VEGFC: variants seen among roughly 807,000 people sequenced by gnomAD.
The protein encoded by VEGFC is FLT4 ligand DHM.
Under a neutral mutation model 46.1 loss-of-function variants are expected in VEGFC, and 12 were observed. The observed-to-expected ratio is 0.26, with a 90% CI of 0.17 to 0.42. The LOEUF is 0.42. Ranked by LOEUF, VEGFC falls within the 10% of genes least tolerant of loss-of-function variation. The pLI, the probability that VEGFC is intolerant of heterozygous loss-of-function variation, is 1.00. For synonymous variants in VEGFC, 232 were observed against 195.5 expected, an observed-to-expected ratio of 1.19 and a Z score of -1.56; for missense variants, 488 against 529.4, an observed-to-expected ratio of 0.92 and a Z score of 0.77.
intron 4 of VEGFC, among the ~76,000 whole-genome samples, chr4:176,692,137 G>A (rs1157731172): frequency 6.6e-6 from 1 of 151,958 alleles, no homozygotes; most frequent in Non-Finnish European, 1.5e-5. Context: ...GCTCACGCCT[G>A]TAATCCCAGC....
chr4:176,705,064 T>C (rs1408017838), intron 4 of VEGFC, among the ~76,000 whole-genome samples: 4 of 152,220 alleles, frequency 2.6e-5, no homozygotes, highest in Non-Finnish European at 4.4e-5. Context: ...ACACTTACTA[T>C]ACTAGAAATA....
At chr4:176,699,460 T>G (rs1430856790) in intron 4 of VEGFC, among the ~76,000 whole-genome samples, 1 of 152,252 alleles carries the variant, frequency 6.6e-6, no homozygotes, top group Non-Finnish European at 1.5e-5. Flanking sequence ...TATCTGAAGT[T>G]CAAACTTGTA....
At chr4:176,779,955 T>C (rs1315549187) in intron 1 of VEGFC, among the ~76,000 whole-genome samples, 3 of 152,238 alleles carry the variant, frequency 2.0e-5, no homozygotes, top group South Asian at 2.1e-4. Context: ...TTAAAGCCCA[T>C]GTTTAAGACA....
chr4:176,767,918 T>C (rs1047347413), intron 1 of VEGFC, among the ~76,000 whole-genome samples: 2 of 152,128 alleles, frequency 1.3e-5, no homozygotes, highest in African/African-American at 4.8e-5. Context: ...GTCAGAGATG[T>C]AGCAAGTGGT....
In VEGFC at chr4:176,792,184, G is replaced by T. The variant is rs1352985585; in HGVS notation, c.128C>A (p.Pro43His). ...ACCTACCGTGGCCTCGCCCGCGTCGGGCTCCGCGTCCGAGAGGTCGAGTCC... is the reference window on the plus strand; with the variant it reads ...ACCTACCGTGGCCTCGCCCGCGTCGTGCTCCGCGTCCGAGAGGTCGAGTCC... ...ESGLDLSDAE[P>H]DAGEATAYAS... Residue 43 changes from proline to histidine, a missense_variant, in exon 1 of 7, where the codon CCC becomes CAC. Coordinates refer to ENST00000618562, the MANE Select transcript of VEGFC (RefSeq NM_005429.5). This position sits in a 1 kb window ranked among gnomAD's most constrained non-coding sequence, Gnocchi z 6.3. 1.3e-6 allele frequency: 2 copies of T among 1,524,176 alleles called. No homozygotes were observed. Among genetic ancestry groups the T allele is most frequent in the Non-Finnish European group, 1.8e-6 (2 of 1,140,162 alleles). The allele number at this position is 1,524,176 out of a possible 1,614,324, so 94.4% of individuals were successfully genotyped here. A position where few individuals can be genotyped will look rare whatever the true frequency, so the allele number is the denominator to read the frequency against.
At chr4:176,711,989 T>G (rs1410626594) in intron 3 of VEGFC, among the ~76,000 whole-genome samples, 1 of 152,130 alleles carries the variant, frequency 6.6e-6, no homozygotes, top group Admixed American at 6.6e-5. Flanking sequence ...TTATTTGAAA[T>G]GAACATTTAA....
chr4:176,698,350 G>A (rs1425015231), intron 4 of VEGFC, among the ~76,000 whole-genome samples: 2 of 151,822 alleles, frequency 1.3e-5, no homozygotes, highest in East Asian at 1.9e-4. Flanking sequence ...AGTCAGAACT[G>A]GGCTGAAATG....
At chr4:176,725,833 T>C (rs1256414131) in intron 3 of VEGFC, among the ~76,000 whole-genome samples, 1 of 152,094 alleles carries the variant, frequency 6.6e-6, no homozygotes, top group Non-Finnish European at 1.5e-5. Context: ...GGCTTGAAGA[T>C]AAAAACAACA....
intron 1 of VEGFC, among the ~76,000 whole-genome samples, chr4:176,769,991 CAAAA>C (rs1028696776): frequency 6.6e-6 from 1 of 151,760 alleles, no homozygotes; most frequent in Non-Finnish European, 1.5e-5. Flanking sequence ...TAACCCATGC[CAAAA>C]AAATAAGTCA....
At chr4:176,693,448 G>A (rs1734248070) in intron 4 of VEGFC, among the ~76,000 whole-genome samples, 1 of 139,534 alleles carries the variant, frequency 7.2e-6, no homozygotes, top group East Asian at 2.0e-4. Context: ...AAAGAAATGA[G>A]CAAAGCCTCC....
At chr4:176,772,920 A>T (rs1224407754) in intron 1 of VEGFC, among the ~76,000 whole-genome samples, 2 of 152,232 alleles carry the variant, frequency 1.3e-5, no homozygotes, top group African/African-American at 4.8e-5. Context: ...TGTGATTTAC[A>T]GCAACATAAA....
Position 176,735,840 on chromosome 4 carries a change from T to A in VEGFC, c.148-6094A>T, listed in dbSNP as rs143385106. Among the ~76,000 whole-genome samples, 3 of 152,076 alleles carry A rather than the reference T, an allele frequency of 2.0e-5. No homozygotes were observed. The East Asian group carries it at 5.8e-4, about 29-fold the overall frequency. ...TTTCAAAATCATCATTTGAGAGGAC[T>A]GTGAAATTGTTTCAGTGAATTATAT... On this transcript the variant is annotated intron_variant, in intron 1 of 6. Transcript: ENST00000618562.
intron 4 of VEGFC, among the ~76,000 whole-genome samples, chr4:176,705,082 T>C (rs1734506149): frequency 6.6e-6 from 1 of 152,234 alleles, no homozygotes; most frequent in South Asian, 2.1e-4. Context: ...ATATTGTTTG[T>C]TTGTACTCTA....
intron 4 of VEGFC, among the ~76,000 whole-genome samples, chr4:176,690,910 G>A (rs766208271): frequency 2.6e-5 from 4 of 152,130 alleles, no homozygotes; most frequent in Non-Finnish European, 4.4e-5. Context: ...CATTACCTAA[G>A]CCAGTGTTAT....
At chr4:176,685,448 T>TTA (rs1248232846) in intron 6 of VEGFC, among the ~76,000 whole-genome samples, 2 of 152,162 alleles carry the variant, frequency 1.3e-5, no homozygotes, top group African/African-American at 4.8e-5. Flanking sequence ...AAGCTTGGAA[T>TTA]TATACACTTA....
intron 1 of VEGFC, among the ~76,000 whole-genome samples, chr4:176,742,041 T>C (rs1735184908): frequency 6.6e-6 from 1 of 151,918 alleles, no homozygotes; most frequent in Non-Finnish European, 1.5e-5. Context: ...CAAAGGTGTA[T>C]TGTTTCAGGC....
intron 4 of VEGFC, among the ~76,000 whole-genome samples, chr4:176,689,857 C>T (rs1193626445): frequency 6.6e-6 from 1 of 152,110 alleles, no homozygotes; most frequent in African/African-American, 2.4e-5. Flanking sequence ...AAACAATATA[C>T]ATTTTAGATT....
intron 3 of VEGFC, among the ~76,000 whole-genome samples, chr4:176,726,535 T>C (rs1332436201): frequency 6.6e-6 from 1 of 152,110 alleles, no homozygotes; most frequent in East Asian, 1.9e-4. Context: ...CTTTATCAAG[T>C]GGGTGAGCAA....
chr4:176,753,026 T>C (rs1735366201), intron 1 of VEGFC, among the ~76,000 whole-genome samples: 1 of 152,062 alleles, frequency 6.6e-6, no homozygotes, highest in Non-Finnish European at 1.5e-5. Context: ...TAGTTGTCAT[T>C]GACAGCAATT....
Sources: allele counts gnomAD v4.1 joint callset (sites outside exome capture counted in the v4.1 genomes callset), GRCh38; gene constraint gnomAD v4.1.1; non-coding constraint Gnocchi (gnomAD v3.1); transcripts MANE v1.5; gene names NCBI Gene and HGNC (gene_info 2026-07-23, HGNC 2026-07-21).